The following GALNT13 variants were observed in gnomAD, a reference collection of about 807,000 sequenced individuals.
GALNT13 encodes the protein UDP-GalNAc:polypeptide N-acetylgalactosaminyltransferase 13.
In GALNT13, 28 loss-of-function variants were observed where a neutral mutation model predicts 64.2. That is an observed-to-expected ratio of 0.44 (90% confidence interval 0.32 to 0.60). The LOEUF (loss-of-function observed/expected upper bound fraction) is 0.60, where lower values mean the gene tolerates loss of function less well. Among genes scored for constraint, GALNT13 ranks in the 20% least tolerant of loss-of-function variants. The pLI, the probability that GALNT13 is intolerant of heterozygous loss-of-function variation, is 0.05. For synonymous variants in GALNT13, 214 were observed against 224.6 expected (o/e 0.95, Z 0.42); for missense variants, 577 against 669.8 (o/e 0.86, Z 1.53).
intron 12 of GALNT13, among the ~76,000 whole-genome samples, chr2:154,445,457 T>C (rs707070): frequency 0.62 from 93,405 of 151,398 alleles, 30,346 homozygotes; most frequent in Admixed American, 0.74. Context: ...GAAATATCAC[T>C]GAGAGTAGAG....
At chr2:153,697,891 G>T in the GALNT13 span, among the ~76,000 whole-genome samples, 1 of 152,166 alleles carries the variant, frequency 6.6e-6, no homozygotes, top group South Asian at 2.1e-4. Context: ...CATAATCCAG[G>T]TAAAAGATAA....
At chr2:154,174,822 A>G (rs1467479467) in intron 4 of GALNT13, among the ~76,000 whole-genome samples, 1 of 152,130 alleles carries the variant, frequency 6.6e-6, no homozygotes, top group East Asian at 1.9e-4. Flanking sequence ...GATGACTACA[A>G]TAGAATATTA....
At chr2:154,118,661 T>C (rs995201807) in intron 3 of GALNT13, among the ~76,000 whole-genome samples, 5 of 152,040 alleles carry the variant, frequency 3.3e-5, no homozygotes, top group African/African-American at 1.2e-4. Context: ...ATGTGTGTAA[T>C]TCCTGCTTTG....
At chr2:153,143,315 C>A in the GALNT13 span, among the ~76,000 whole-genome samples, 1 of 152,050 alleles carries the variant, frequency 6.6e-6, no homozygotes, top group Middle Eastern at 3.4e-3. Flanking sequence ...AAAATATACA[C>A]CCTAATTTCT....
the GALNT13 span, among the ~76,000 whole-genome samples, chr2:153,342,916 T>C: frequency 6.6e-6 from 1 of 152,166 alleles, no homozygotes; most frequent in East Asian, 1.9e-4. Flanking sequence ...ATTTGTGGTT[T>C]AATAACTATG....
At chr2:153,888,516 T>A (rs950202724) in intron 1 of GALNT13, among the ~76,000 whole-genome samples, 4 of 152,028 alleles carry the variant, frequency 2.6e-5, no homozygotes, top group African/African-American at 9.7e-5. Flanking sequence ...AGCAATTTTC[T>A]AGTGCTGCCT....
chr2:154,370,942 A>G (rs77787547), intron 9 of GALNT13, among the ~76,000 whole-genome samples: 5,106 of 152,194 alleles, frequency 0.034, 290 homozygotes, highest in African/African-American at 0.12. Flanking sequence ...AGGCACCAAC[A>G]AAGAGAACCA....
At chr2:153,665,161 G>A in the GALNT13 span, among the ~76,000 whole-genome samples, 2 of 152,178 alleles carry the variant, frequency 1.3e-5, no homozygotes, top group Non-Finnish European at 2.9e-5. Flanking sequence ...TTATACAATG[G>A]AACTGAGGAG....
At chr2:153,539,234 G>A in the GALNT13 span, among the ~76,000 whole-genome samples, 1 of 152,080 alleles carries the variant, frequency 6.6e-6, no homozygotes, top group Non-Finnish European at 1.5e-5. Context: ...GTTTCTGATG[G>A]GGTTGTTTGT....
intron 3 of GALNT13, among the ~76,000 whole-genome samples, chr2:154,134,754 G>A (rs1021342044): frequency 6.6e-6 from 1 of 152,228 alleles, no homozygotes; most frequent in African/African-American, 2.4e-5. Context: ...CAGTCTGGGA[G>A]GCCTAGGTGG....
At chr2:153,993,076 A>G (rs1226454585) in intron 3 of GALNT13, among the ~76,000 whole-genome samples, 1 of 152,180 alleles carries the variant, frequency 6.6e-6, no homozygotes, top group African/African-American at 2.4e-5. Flanking sequence ...ATGAAGGAAT[A>G]TTAATAAATT....
At chr2:153,265,841 G>T in the GALNT13 span, among the ~76,000 whole-genome samples, 1 of 152,076 alleles carries the variant, frequency 6.6e-6, no homozygotes, top group Non-Finnish European at 1.5e-5. Context: ...GACAACAAAG[G>T]ATCTAGAATA....
the GALNT13 span, among the ~76,000 whole-genome samples, chr2:153,160,101 T>C: frequency 6.6e-6 from 1 of 152,342 alleles, no homozygotes. Flanking sequence ...GTAGAAAGAA[T>C]GTTCCAACCA....
At chr2:153,674,004 G>A in the GALNT13 span, among the ~76,000 whole-genome samples, 2 of 152,216 alleles carry the variant, frequency 1.3e-5, no homozygotes, top group African/African-American at 4.8e-5. Context: ...GGGATGTGAA[G>A]GTCCTCTTCA....
the GALNT13 span, among the ~76,000 whole-genome samples, chr2:153,656,904 A>C: frequency 6.6e-6 from 1 of 152,224 alleles, no homozygotes; most frequent in Admixed American, 6.6e-5. Context: ...TAGGAGGTGC[A>C]ACCCAGCTTT....
the GALNT13 span, among the ~76,000 whole-genome samples, chr2:153,488,627 G>A: frequency 6.6e-6 from 1 of 152,158 alleles, no homozygotes; most frequent in African/African-American, 2.4e-5. Flanking sequence ...TATGGAGCTG[G>A]TGTAATGACA....
chr2:154,053,605 T>G (rs1699757471), intron 3 of GALNT13, among the ~76,000 whole-genome samples: 1 of 152,192 alleles, frequency 6.6e-6, no homozygotes, highest in Non-Finnish European at 1.5e-5. Context: ...TAAACAATAG[T>G]GCCTTAAGCT....
the GALNT13 span, among the ~76,000 whole-genome samples, chr2:153,107,085 G>C: frequency 6.6e-6 from 1 of 152,106 alleles, no homozygotes; most frequent in Admixed American, 6.6e-5. Context: ...CTGTTTATCT[G>C]TTCATCTTAA....
At chr2:153,721,366 T>A in the GALNT13 span, among the ~76,000 whole-genome samples, 5 of 137,826 alleles carry the variant, frequency 3.6e-5, no homozygotes, top group African/African-American at 1.5e-4. Flanking sequence ...CATGCCAAAA[T>A]GTAAAGACCA....
Sources: allele counts gnomAD v4.1 joint callset (sites outside exome capture counted in the v4.1 genomes callset), GRCh38; gene constraint gnomAD v4.1.1; transcripts MANE v1.5; gene names NCBI Gene and HGNC (gene_info 2026-07-23, HGNC 2026-07-21).